The following BANP variants were observed in gnomAD, a reference collection of about 807,000 sequenced individuals.
BANP encodes the protein BTG3 associated nuclear protein, also known as protein BANP.
In BANP, 11 loss-of-function variants were observed where a neutral mutation model predicts 68.1. That is an observed-to-expected ratio of 0.16 (90% CI 0.10 to 0.27). The LOEUF is 0.27. Among genes scored for constraint, BANP ranks in the 10% least tolerant of loss-of-function variants. The pLI is 1.00. For synonymous variants in BANP, 329 were observed against 303.2 expected, an observed-to-expected ratio of 1.09 and a Z score of -0.88; for missense variants, 504 against 722.7, an observed-to-expected ratio of 0.70 and a Z score of 3.47.
chr16:87,971,689 C>T (rs1264501636), intron 1 of BANP, among the ~76,000 whole-genome samples: 2 of 151,048 alleles, frequency 1.3e-5, no homozygotes, highest in African/African-American at 4.9e-5. Context: ...TTTTTTTCCC[C>T]CTAGGTTGTA....
chr16:88,074,128 G>A (rs575661515), intron 13 of BANP, among the ~76,000 whole-genome samples: 2 of 152,284 alleles, frequency 1.3e-5, no homozygotes, highest in East Asian at 1.9e-4. Context: ...GGAAGTGACC[G>A]AAGGCCTTCA....
chr16:87,973,176 C>T (rs1289683060), intron 1 of BANP, among the ~76,000 whole-genome samples: 1 of 152,028 alleles, frequency 6.6e-6, no homozygotes, highest in Non-Finnish European at 1.5e-5. Context: ...CTCATTCCGT[C>T]TTTCCCAGCT....
At chr16:87,961,532 A>G (rs1356115542) in intron 1 of BANP, among the ~76,000 whole-genome samples, 1 of 152,194 alleles carries the variant, frequency 6.6e-6, no homozygotes, top group African/African-American at 2.4e-5. Flanking sequence ...GTGGAAGCAG[A>G]TAGGAAACTC....
At chr16:88,032,819 T>G (rs981789659) in intron 8 of BANP, among the ~76,000 whole-genome samples, 2 of 152,258 alleles carry the variant, frequency 1.3e-5, no homozygotes, top group African/African-American at 4.8e-5. Context: ...AATGTCCACT[T>G]TAAGAACTTC....
chr16:88,065,247 C>A lies in BANP; in HGVS notation c.1312-20C>A. ...CTTCTGGAGGCTCCAGGGGAAAATTCGTTTTCTTGCCTTTTCCAGCTTCTA... is the reference window on the plus strand; with the variant it reads ...CTTCTGGAGGCTCCAGGGGAAAATTAGTTTTCTTGCCTTTTCCAGCTTCTA... On this transcript the variant is annotated intron_variant, in intron 11 of 13. Coordinates refer to ENST00000682872, the MANE Select transcript of BANP (RefSeq NM_001386991.1). The A allele has an allele frequency of 1.4e-6, 1 of 731,676 alleles. No individual in the cohort carries two copies. The allele number at this position is 731,676 out of a possible 1,614,324, so 45.3% of individuals were successfully genotyped here.
At chr16:87,995,468 A>G (rs2066942249) in intron 4 of BANP, among the ~76,000 whole-genome samples, 1 of 152,250 alleles carries the variant, frequency 6.6e-6, no homozygotes, top group South Asian at 2.1e-4. Flanking sequence ...TTTTCCTAAT[A>G]AGTAGAAAGA....
chr16:88,023,498 C>T (rs190202950), intron 7 of BANP, among the ~76,000 whole-genome samples: 6 of 151,214 alleles, frequency 4.0e-5, no homozygotes, highest in East Asian at 3.9e-4. Flanking sequence ...GCTGTCACGT[C>T]GAGTCTGTAA....
At chr16:87,961,655 A>G (rs1456635263) in intron 1 of BANP, among the ~76,000 whole-genome samples, 2 of 152,216 alleles carry the variant, frequency 1.3e-5, no homozygotes, top group East Asian at 1.9e-4. Context: ...ATTTTTCATA[A>G]AACATGTTTT....
intron 2 of BANP, among the ~76,000 whole-genome samples, chr16:87,979,701 A>T (rs1009810671): frequency 2.0e-5 from 3 of 152,026 alleles, no homozygotes; most frequent in Non-Finnish European, 4.4e-5. Flanking sequence ...CAGATTTCTG[A>T]TTTTTTTCTA....
rs1320701601 is a variant in BANP, at chr16:88,076,796, C to T, written c.*135C>T. The T allele has an allele frequency of 4.1e-5, 29 of 701,706 alleles. No individual in the cohort carries two copies. Among genetic ancestry groups the T allele is most frequent in the Non-Finnish European group, 1.1e-5 (5 of 434,862 alleles). 43.5% of individuals were successfully genotyped at this position (701,706 alleles called of 1,614,324 possible). A position where few individuals can be genotyped will look rare whatever the true frequency, so the allele number is the denominator to read the frequency against. ...AAGTGCGTCTGAAGGCCGCTGCCTC[C>T]GCGGGGAACAGCATCCTATCAACTG... On this transcript the variant is annotated 3_prime_UTR_variant, in exon 14 of 14. Transcript: ENST00000682872.
chr16:87,977,506 C>T (rs1439517094), intron 2 of BANP, among the ~76,000 whole-genome samples: 3 of 152,070 alleles, frequency 2.0e-5, no homozygotes, highest in Admixed American at 1.3e-4. Flanking sequence ...AGAAGGTGTG[C>T]GCAGCTGCAG....
At chr16:88,055,772 A>T (rs529822561) in intron 11 of BANP, among the ~76,000 whole-genome samples, 1 of 152,116 alleles carries the variant, frequency 6.6e-6, no homozygotes, top group African/African-American at 2.4e-5. Context: ...CACACACCCT[A>T]TGTCACTTGT....
intron 8 of BANP, among the ~76,000 whole-genome samples, chr16:88,029,479 C>T (rs1407484093): frequency 4.6e-5 from 7 of 151,764 alleles, no homozygotes; most frequent in Admixed American, 1.3e-4. Context: ...GGCGTGGTGG[C>T]TGGCGCCTGT....
In BANP at chr16:88,004,907, C is replaced by T. The variant is rs537447417; in HGVS notation, c.479+496C>T. 1.3e-5 allele frequency among the ~76,000 whole-genome samples: 2 copies of T among 152,310 alleles called. No individual in the cohort carries two copies. The highest frequency in any genetic ancestry group is 4.8e-5 in the African/African-American group (2 of 41,570). On this transcript the variant is annotated intron_variant, in intron 5 of 13. Transcript: ENST00000682872. This position sits in a 1 kb window ranked among gnomAD's most constrained non-coding sequence, Gnocchi z 7.0. ...GTGGACAGAAGACACCGTCCCCGCT[C>T]TGTGTGAGGGGAAGGCTGTGCAGTG...
intron 1 of BANP, among the ~76,000 whole-genome samples, chr16:87,965,622 G>T (rs1044395231): frequency 1.3e-5 from 2 of 151,706 alleles, no homozygotes; most frequent in East Asian, 3.9e-4. Context: ...GGGGCTGGGC[G>T]GGGCTGGGCG....
intron 7 of BANP, among the ~76,000 whole-genome samples, chr16:88,019,896 G>C (rs1220647532): frequency 6.6e-6 from 1 of 152,198 alleles, no homozygotes; most frequent in Non-Finnish European, 1.5e-5. Flanking sequence ...CGTGCTGACT[G>C]CAGGTTTTTC....
chr16:88,031,471 C>T (rs2078150134), intron 8 of BANP, among the ~76,000 whole-genome samples: 1 of 151,698 alleles, frequency 6.6e-6, no homozygotes, highest in African/African-American at 2.4e-5. Flanking sequence ...TGGTGAAATC[C>T]CTTCTCTACA....
At chr16:87,994,192 A>G (rs1477988200) in intron 4 of BANP, among the ~76,000 whole-genome samples, 1 of 152,208 alleles carries the variant, frequency 6.6e-6, no homozygotes, top group African/African-American at 2.4e-5. Flanking sequence ...GGAGCCCCGC[A>G]TCCTGTGCCG....
At chr16:87,996,272 G>T (rs148120113) in intron 4 of BANP, among the ~76,000 whole-genome samples, 1 of 152,328 alleles carries the variant, frequency 6.6e-6, no homozygotes, top group Non-Finnish European at 1.5e-5. Flanking sequence ...CCCACCTGGC[G>T]TCTCAGCTGC....
Sources: gnomAD v4.1 joint callset for allele counts (sites outside exome capture counted in the v4.1 genomes callset) on GRCh38, gnomAD v4.1.1 for gene constraint, Gnocchi (gnomAD v3.1) non-coding constraint, MANE v1.5 for transcripts, NCBI Gene and HGNC (gene_info 2026-07-23, HGNC 2026-07-21) for gene names.